Variants in STAG1 observed in about 807,000 individuals in gnomAD.
The protein encoded by STAG1 is STAG1 cohesin complex component, also known as cohesin subunit SA-1.
STAG1 carries 26 observed loss-of-function variants against 170.9 expected under a neutral mutation model. The observed-to-expected ratio is 0.15, with a 90% CI of 0.11 to 0.21. STAG1 has a LOEUF of 0.21. Ranked by LOEUF, STAG1 falls within the 10% of genes least tolerant of loss-of-function variation. The pLI is 1.00. For missense variants in STAG1, 964 were observed against 1,509.5 expected (o/e 0.64, Z 5.99); for synonymous variants, 514 against 497.7 (o/e 1.03, Z -0.44).
chr3:136,428,855 C>A (rs2088209969), intron 16 of STAG1, among the ~76,000 whole-genome samples: 1 of 152,144 alleles, frequency 6.6e-6, no homozygotes, highest in Non-Finnish European at 1.5e-5. Context: ...TAGACACCAG[C>A]CAGGAATGAG....
intron 5 of STAG1, among the ~76,000 whole-genome samples, chr3:136,552,816 T>C (rs1474335458): frequency 6.6e-6 from 1 of 152,212 alleles, no homozygotes; most frequent in African/African-American, 2.4e-5. Flanking sequence ...TCAAACTCTC[T>C]ATTCAATTAC....
At chr3:136,686,565 G>T (rs773335305) in intron 1 of STAG1, among the ~76,000 whole-genome samples, 3 of 152,140 alleles carry the variant, frequency 2.0e-5, no homozygotes, top group Non-Finnish European at 4.4e-5. Flanking sequence ...GCTTTACAAA[G>T]GTTAGGCAAC....
chr3:136,396,926 C>T (rs977369899), intron 22 of STAG1, among the ~76,000 whole-genome samples: 10 of 152,072 alleles, frequency 6.6e-5, no homozygotes, highest in African/African-American at 1.9e-4. Context: ...AACCAAGAGG[C>T]TAACCAATAT....
chr3:136,366,905 G>C, intron 25 of STAG1, 38 bp downstream of exon 25: 1 of 1,519,102 alleles, frequency 6.6e-7, no homozygotes, highest in East Asian at 2.3e-5. Context: ...TTCTCTGCCA[G>C]TTAGAGGAAG....
intron 3 of STAG1, among the ~76,000 whole-genome samples, chr3:136,622,275 T>C (rs906828747): frequency 5.3e-5 from 8 of 151,772 alleles, no homozygotes; most frequent in South Asian, 2.1e-4. Context: ...GCCAAGATTG[T>C]GCCATTGCAC....
At chr3:136,590,710 T>C (rs1423771664) in intron 4 of STAG1, among the ~76,000 whole-genome samples, 2 of 152,110 alleles carry the variant, frequency 1.3e-5, no homozygotes, top group African/African-American at 2.4e-5. Flanking sequence ...TGAAGGAGTA[T>C]AAAGGTAATT....
chr3:136,478,777 G>C (rs1308843053), intron 9 of STAG1, among the ~76,000 whole-genome samples: 1 of 152,034 alleles, frequency 6.6e-6, no homozygotes, highest in African/African-American at 2.4e-5. Flanking sequence ...TACATTTTTT[G>C]ATAGTATCTT....
At chr3:136,514,152 A>T (rs1219731913) in intron 7 of STAG1, among the ~76,000 whole-genome samples, 1 of 152,240 alleles carries the variant, frequency 6.6e-6, no homozygotes, top group African/African-American at 2.4e-5. Context: ...CTAGTGTACA[A>T]TATGAAAACG....
intron 1 of STAG1, among the ~76,000 whole-genome samples, chr3:136,741,727 C>T (rs796818858): frequency 3.9e-5 from 6 of 152,270 alleles, no homozygotes; most frequent in African/African-American, 1.4e-4. Context: ...CTCGGCCTCC[C>T]AAAGTGCTGG....
intron 22 of STAG1, among the ~76,000 whole-genome samples, chr3:136,386,004 G>GTTGGTGGCTTAATT (rs2086863602): frequency 1.3e-5 from 2 of 152,150 alleles, no homozygotes. Flanking sequence ...GCTTAGCCAA[G>GTTGGTGGCTTAATT]AAGAGAAACC....
intron 4 of STAG1, among the ~76,000 whole-genome samples, chr3:136,578,311 C>A (rs991466423): frequency 6.6e-6 from 1 of 152,190 alleles, no homozygotes; most frequent in African/African-American, 2.4e-5. Context: ...GTATTCACAA[C>A]GTCTTGGCCT....
chr3:136,664,044 T>C (rs1435683554), intron 1 of STAG1, among the ~76,000 whole-genome samples: 1 of 152,142 alleles, frequency 6.6e-6, no homozygotes, highest in Non-Finnish European at 1.5e-5. Context: ...CAACTAGGCC[T>C]CTCCTCCTCT....
At chr3:136,529,702 A>G (rs1430630281) in intron 6 of STAG1, among the ~76,000 whole-genome samples, 1 of 152,214 alleles carries the variant, frequency 6.6e-6, no homozygotes, top group East Asian at 1.9e-4. Context: ...AAGAAAACAC[A>G]CAAAAGTATA....
intron 13 of STAG1, among the ~76,000 whole-genome samples, chr3:136,453,614 A>G (rs1054316586): frequency 1.4e-4 from 21 of 150,972 alleles, no homozygotes; most frequent in African/African-American, 5.1e-4. Flanking sequence ...AAAAATTGCT[A>G]AAGGTATCTT....
Position 136,336,930 on chromosome 3 carries a change from T to A in STAG1, c.*1324A>T, listed in dbSNP as rs2108249072. On this transcript the variant is annotated 3_prime_UTR_variant, in exon 34 of 34. Coordinates refer to ENST00000383202, the MANE Select transcript of STAG1 (RefSeq NM_005862.3). ...AGCTGTGGATGAATTGGTTTGGAAA[T>A]TCTGAGGCTTACTTTAGAAATCAGA... 6.9e-6 allele frequency: 1 copy of A among 145,462 alleles called. No individual in the cohort carries two copies. The highest frequency in any genetic ancestry group is 2.0e-4 in the East Asian group (1 of 4,916). The allele number at this position is 145,462 out of a possible 1,614,324, so 9.0% of individuals were successfully genotyped here.
chr3:136,337,513 G>A lies in STAG1; in HGVS notation c.*741C>T, dbSNP rs746211588. On this transcript the variant is annotated 3_prime_UTR_variant, in exon 34 of 34. Coordinates refer to ENST00000383202, the MANE Select transcript of STAG1 (RefSeq NM_005862.3). Reference sequence around the variant, plus strand: ...TCTCCCTAGTCTATATAAAATGAACGGTGTACAGCATCTGTTGGAAAAATG... The same window carrying A: ...TCTCCCTAGTCTATATAAAATGAACAGTGTACAGCATCTGTTGGAAAAATG... 3.3e-5 allele frequency: 5 copies of A among 152,492 alleles called. No homozygotes were observed. Among genetic ancestry groups the A allele is most frequent in the African/African-American group, 7.2e-5 (3 of 41,398 alleles). The allele number at this position is 152,492 out of a possible 1,614,324, so 9.4% of individuals were successfully genotyped here. A position where few individuals can be genotyped will look rare whatever the true frequency, so the allele number is the denominator to read the frequency against.
rs751606075 is a variant in STAG1, at chr3:136,367,063, T to C, written c.2565A>G (p.Glu855=). Residue 855 remains glutamate (E), a synonymous_variant, in exon 25 of 34, where the codon GAA becomes GAG. Transcript: ENST00000383202. ...NQSMEGDEED[E]ANKIEALHKR... is the part of the protein sequence containing the mutation. ...TATGTAAGGCCTCAATTTTATTAGC[T>C]TCATCTTCTTCATCACCCTCTAAAC... 5 of 1,610,162 alleles carry C rather than the reference T, an allele frequency of 3.1e-6. No homozygotes were observed. In the East Asian group the frequency reaches 1.1e-4, roughly 36 times the overall value.
chr3:136,340,021 G>A (rs1355217206), intron 32 of STAG1, among the ~76,000 whole-genome samples: 2 of 152,160 alleles, frequency 1.3e-5, no homozygotes, highest in Non-Finnish European at 2.9e-5. Flanking sequence ...GTTATTATCA[G>A]AATTTAAAAT....
At position 136,418,313 on chromosome 3, in the gene STAG1, T is replaced by C. The variant is rs530665256; in HGVS notation, c.2109-341A>G. Among the ~76,000 whole-genome samples the C allele has an allele frequency of 3.8e-4, 45 of 116,906 alleles. No homozygotes were observed. In the South Asian group the frequency reaches 7.9e-3, roughly 20 times the overall value. The allele number at this position is 116,906 out of a possible 152,430, so 76.7% of individuals were successfully genotyped here. A position where few individuals can be genotyped will look rare whatever the true frequency, so the allele number is the denominator to read the frequency against. On this transcript the variant is annotated intron_variant, in intron 20 of 33. Transcript: ENST00000383202. ...ACACGGAGGTTGCAGTGAGCCAAGA[T>C]TGCGCCACTGCACTCCAGCCTGGGT...
Sources: gnomAD v4.1 joint callset for allele counts (sites outside exome capture counted in the v4.1 genomes callset) on GRCh38, gnomAD v4.1.1 for gene constraint, MANE v1.5 for transcripts, NCBI Gene and HGNC (gene_info 2026-07-23, HGNC 2026-07-21) for gene names.